The following PRAM1 variants were observed in gnomAD, a reference collection of about 807,000 sequenced individuals.
PRAM1 encodes the protein PML-RARA-regulated adapter molecule 1.
In PRAM1, 41 loss-of-function variants were observed where a neutral mutation model predicts 55.3. The ratio of observed to expected loss-of-function variants is 0.74; its 90% CI spans 0.58 to 0.96. The LOEUF is 0.96. Ranked by LOEUF, PRAM1 falls within the 40% of genes least tolerant of loss-of-function variation. PRAM1 has a pLI of 0.00. For synonymous variants in PRAM1, 401 were observed against 387.1 expected (o/e 1.04, Z -0.42); for missense variants, 898 against 892.7 (o/e 1.01, Z -0.08).
intron 3 of PRAM1, 141 bp downstream of exon 3, chr19:8,498,082 G>T (rs1290011523): frequency 2.0e-5 from 18 of 916,376 alleles, no homozygotes; most frequent in Non-Finnish European, 3.0e-5. Context: ...GTTTCACCAC[G>T]TTGGCCAGGC....
intron 1 of PRAM1, among the ~76,000 whole-genome samples, chr19:8,501,850 C>T (rs1442661510): frequency 1.3e-5 from 2 of 152,124 alleles, no homozygotes; most frequent in East Asian, 3.9e-4. Flanking sequence ...TCCTGCATAC[C>T]CAGCTGTCCC....
At chr19:8,497,942 A>T in intron 3 of PRAM1, 102 bp from the exon 4 acceptor site, 2 of 852,298 alleles carry the variant, frequency 2.3e-6, no homozygotes, top group Non-Finnish European at 3.4e-6. Flanking sequence ...GTGCAGGGGC[A>T]TGATCTCGGG....
At chr19:8,492,956 C>T (rs911709257) in intron 4 of PRAM1, among the ~76,000 whole-genome samples, 13 of 152,042 alleles carry the variant, frequency 8.6e-5, no homozygotes, top group Admixed American at 4.6e-4. Context: ...AAGATGGCGC[C>T]GCTGCACTCC....
chr19:8,499,949 C>G (rs541227752), intron 1 of PRAM1, among the ~76,000 whole-genome samples, 169 bp from the exon 2 acceptor site: 8 of 149,614 alleles, frequency 5.3e-5, no homozygotes, highest in Non-Finnish European at 1.2e-4. Context: ...ATCCTGGGAC[C>G]GACACCCCTC....
rs1372292565 is a variant in PRAM1, at chr19:8,499,244, G to A, written c.564C>T (p.Phe188=). The change falls in exon 2 of 10, where the codon TTC becomes TTT. Residue 188 remains phenylalanine (F), a synonymous_variant. Coordinates refer to ENST00000423345, the MANE Select transcript of PRAM1 (RefSeq NM_032152.5). ...RPPSEPKSGA[F]PRKLWQPEAG... ...CCTCGGGTTGCCAGAGCTTCCTGGG[G>A]AATGCGCCGGATTTGGGTTCGGAGG... The A allele has an allele frequency of 6.2e-7, 1 of 1,612,116 alleles. No homozygotes were observed. The highest frequency in any genetic ancestry group is 8.5e-7 in the Non-Finnish European group (1 of 1,178,824).
chr19:8,499,648 C>G lies in PRAM1; in HGVS notation c.160G>C (p.Glu54Gln), dbSNP rs547450112. ...LKKFSQPELS[E>Q]HPKKAPLPEF... ...GGCAGCGGGGCCTTCTTGGGGTGCT[C>G]GCTTAGCTCAGGCTGGGAGAACTTC... The change falls in exon 2 of 10, where the codon GAG (glutamate) becomes CAG (glutamine). Residue 54 changes from glutamate (E) to glutamine (Q), a missense_variant. Physicochemically the swap from Glu to Gln is conservative, Grantham distance 29. This residue lies in a region of PRAM1 where 79 missense variants were observed against 93.4 expected (regional missense o/e 0.85). Transcript: ENST00000423345. The G allele has an allele frequency of 1.9e-6, 3 of 1,613,608 alleles. No individual in the cohort carries two copies. The South Asian group carries it at 3.3e-5, about 18-fold the overall frequency.
chr19:8,490,362 C>A lies in PRAM1; in HGVS notation c.1951G>T (p.Val651Leu). The change falls in exon 9 of 10, where the codon GTG becomes TTG. Residue 651 changes from valine (V) to leucine (L), a missense_variant. Around this residue, in one of 4 missense-constraint regions of PRAM1, gnomAD observed 787 missense variants for 735.4 expected, o/e 1.07. Transcript: ENST00000423345. The surrounding 1 kb of genome is among the most constrained non-coding windows in gnomAD (Gnocchi z 7.3). ...RTALLPLETE[V>L]YDDVDFCDPL... ...CCGCAGAAGTCGACATCATCGTACA[C>A]CTCCGTCTCCCTGGCAGAGCACAGT... The A allele has an allele frequency of 6.2e-7, 1 of 1,613,886 alleles. No individual in the cohort carries two copies. Among genetic ancestry groups the A allele is most frequent in the Non-Finnish European group, 8.5e-7 (1 of 1,179,906 alleles).
intron 1 of PRAM1, among the ~76,000 whole-genome samples, chr19:8,501,130 A>C (rs1261540271): frequency 4.1e-5 from 5 of 121,152 alleles, no homozygotes; most frequent in East Asian, 2.4e-4. Flanking sequence ...ACGGAGTCTC[A>C]CTCTGTCACC....
At chr19:8,491,198 G>A (rs755816451) in intron 4 of PRAM1, 41 bp from the exon 5 acceptor site, 3 of 1,586,076 alleles carry the variant, frequency 1.9e-6, no homozygotes, top group Non-Finnish European at 1.7e-6. Context: ...AGGGCCCGCC[G>A]GCTCAGCCTT....
intron 1 of PRAM1, among the ~76,000 whole-genome samples, chr19:8,500,643 G>C (rs879206262): frequency 6.6e-6 from 1 of 152,054 alleles, no homozygotes; most frequent in Non-Finnish European, 1.5e-5. Flanking sequence ...CTCCGACCTC[G>C]GGGCCTCTGC....
At position 8,498,730 on chromosome 19, in the gene PRAM1, G is replaced by A; in HGVS notation, c.1078C>T (p.Pro360Ser). 1.3e-6 allele frequency: 2 copies of A among 1,586,564 alleles called. No individual in the cohort carries two copies. Among genetic ancestry groups the A allele is most frequent in the Non-Finnish European group, 1.7e-6 (2 of 1,167,242 alleles). ...CTCTTGAGGACAGCGCTGGGCTCAG[G>A]CTGTGAGAACTTGCGGGGTGGCCCC... Reference protein sequence around the residue: ...RRGPPRKFSQPEPSAVLKRHP... With the variant: ...RRGPPRKFSQSEPSAVLKRHP... The change falls in exon 2 of 10, where the codon CCT becomes TCT. Residue 360 changes from proline to serine, a missense_variant. Transcript: ENST00000423345.
rs765721072 is a variant in PRAM1 at position 8,499,796 on chromosome 19, C to T, written c.28-16G>A. 1.9e-6 allele frequency: 3 copies of T among 1,569,856 alleles called. No individual in the cohort carries two copies. The highest frequency in any genetic ancestry group is 2.6e-6 in the Non-Finnish European group (3 of 1,158,026). ...GATGGCTCTCCTAGGAGACGCAGAG[C>T]CAATGAGGCAGGGGCTCAAACACAC... On this transcript the variant is annotated splice_polypyrimidine_tract_variant and intron_variant, in intron 1 of 9. Coordinates refer to ENST00000423345, the MANE Select transcript of PRAM1 (RefSeq NM_032152.5).
At position 8,490,579 on chromosome 19, in the gene PRAM1, G is replaced by A. The variant is rs1006241790; in HGVS notation, c.1906+15C>T. 3.8e-6 allele frequency: 6 copies of A among 1,588,368 alleles called. No individual in the cohort carries two copies. Among genetic ancestry groups the A allele is most frequent in the Non-Finnish European group, 4.3e-6 (5 of 1,167,552 alleles). On this transcript the variant is annotated intron_variant, in intron 7 of 9. Coordinates refer to ENST00000423345, the MANE Select transcript of PRAM1 (RefSeq NM_032152.5). This position sits in a 1 kb window ranked among gnomAD's most constrained non-coding sequence, Gnocchi z 7.3. ...GGCGGGGACCTCCCGGGGCTGCGGG[G>A]CCGGGCGCACTCACATTTGCCTTTG... is the stretch of plus-strand genomic sequence containing the variant.
intron 1 of PRAM1, 77 bp from the exon 2 acceptor site, chr19:8,499,857 A>C (rs1400491845): frequency 2.3e-6 from 3 of 1,292,044 alleles, no homozygotes; most frequent in Non-Finnish European, 3.2e-6. Flanking sequence ...GGGGACCCTC[A>C]GGCACAGCCC....
chr19:8,491,550 TA>T, intron 4 of PRAM1: 1 of 311,882 alleles, frequency 3.2e-6, no homozygotes, highest in Non-Finnish European at 6.2e-6. Flanking sequence ...GGATCTTGAG[TA>T]AGGCCTCCCT....
chr19:8,496,731 A>G (rs1355140428), intron 4 of PRAM1, among the ~76,000 whole-genome samples: 2 of 151,548 alleles, frequency 1.3e-5, no homozygotes, highest in African/African-American at 2.4e-5. Context: ...TCTCAAACAA[A>G]AAAACGAATA....
In PRAM1 at chr19:8,492,990, CT is replaced by C. The variant is rs150230121; in HGVS notation, c.1577-1834del. 5.1e-3 allele frequency among the ~76,000 whole-genome samples: 781 copies of C among 152,240 alleles called. 10 individuals carry two copies. The highest frequency in any genetic ancestry group is 0.018 in the African/African-American group (736 of 41,560). On this transcript the variant is annotated intron_variant, in intron 4 of 9. Transcript: ENST00000423345. ...CCAGCCTGGGCGACAGACCAGGACC[CT>C]GTCTCAAAATAGTAAATAAAAATAA...
In PRAM1 at chr19:8,499,326, CCAGGCTCCGGCAGCGAGG is replaced by C. The variant is rs771702370; in HGVS notation, c.464_481del (p.Ala155_Pro160del). On this transcript the variant is annotated inframe_deletion, in exon 2 of 10. Transcript: ENST00000423345. ...CTGCAGGGGTTTCCGGGCCGGCGCA[CCAGGCTCCGGCAGCGAGG>C]CCTTCAAAGGGGCCTCACCGACCTC... 21 of 1,610,486 alleles carry C rather than the reference CCAGGCTCCGGCAGCGAGG, an allele frequency of 1.3e-5. No individual in the cohort carries two copies. In the South Asian group the frequency reaches 2.3e-4, roughly 18 times the overall value.
chr19:8,497,574 C>T (rs890203876), intron 4 of PRAM1, among the ~76,000 whole-genome samples, 190 bp downstream of exon 4: 3 of 152,188 alleles, frequency 2.0e-5, no homozygotes, highest in Non-Finnish European at 2.9e-5. Flanking sequence ...TCTCCTGCTG[C>T]CAACCTGGGC....
Sources: allele counts gnomAD v4.1 joint callset (sites outside exome capture counted in the v4.1 genomes callset), GRCh38; gene constraint gnomAD v4.1.1; regional missense constraint gnomAD v4.1.1; non-coding constraint Gnocchi (gnomAD v3.1); transcripts MANE v1.5; gene names NCBI Gene and HGNC (gene_info 2026-07-23, HGNC 2026-07-21).